G3BP2: variants seen among roughly 807,000 people sequenced by gnomAD.
The protein encoded by G3BP2 is G3BP stress granule assembly factor 2.
In G3BP2, 11 loss-of-function variants were observed where a neutral mutation model predicts 56.7. The ratio of observed to expected loss-of-function variants is 0.19; its 90% CI spans 0.12 to 0.32. G3BP2 has a LOEUF of 0.32. Ranked by LOEUF, G3BP2 falls within the 10% of genes least tolerant of loss-of-function variation. G3BP2 has a pLI of 1.00. For missense variants in G3BP2, 340 were observed against 610.9 expected (o/e 0.56, Z 4.67); for synonymous variants, 165 against 191.6 (o/e 0.86, Z 1.15).
chr4:75,701,379 G>A (rs762817270), intron 3 of G3BP2, among the ~76,000 whole-genome samples: 3 of 152,024 alleles, frequency 2.0e-5, no homozygotes, highest in African/African-American at 4.8e-5. Flanking sequence ...TGCAACCTCC[G>A]CCTCCTGAGT....
At chr4:75,676,359 T>TG (rs1397579607), upstream of G3BP2, among the ~76,000 whole-genome samples, 2 of 148,522 alleles carry the variant, frequency 1.3e-5, no homozygotes, top group African/African-American at 5.0e-5. Flanking sequence ...TTTTTTTTTT[T>TG]TGAGATGGAG....
rs200605136 is a variant in G3BP2 at position 75,706,003 on chromosome 4, TTA to T, written c.-25+14872_-25+14873del. On this transcript the variant is annotated intron_variant, in intron 3 of 3. Coordinates refer to the G3BP2 transcript ENST00000499709. ...TATATATGTATACACACACATAACA[TTA>T]TATATGTCTCCACTCATTTAATCCT... Among the ~76,000 whole-genome samples the T allele has an allele frequency of 3.8e-4, 58 of 152,216 alleles. No homozygotes were observed. The East Asian group carries it at 7.0e-3, about 18-fold the overall frequency.
chr4:75,693,786 T>TA (rs59421805), intron 3 of G3BP2, among the ~76,000 whole-genome samples: 33,280 of 141,260 alleles, frequency 0.24, 4,054 homozygotes, highest in Middle Eastern at 0.35. Context: ...AGACTCCGTC[T>TA]AAAAAAAAAA....
At chr4:75,694,253 A>AC (rs1240866830) in intron 3 of G3BP2, among the ~76,000 whole-genome samples, 2 of 152,216 alleles carry the variant, frequency 1.3e-5, no homozygotes, top group African/African-American at 4.8e-5. Flanking sequence ...GGCCTGAAGT[A>AC]CAAGGTACCT....
At chr4:75,691,411 G>A (rs979349119) in intron 3 of G3BP2, among the ~76,000 whole-genome samples, 31 of 152,058 alleles carry the variant, frequency 2.0e-4, no homozygotes, top group Admixed American at 7.9e-4. Flanking sequence ...GTCTCACTAT[G>A]CTGGCCAGAC....
At chr4:75,663,426 A>C (rs1560622096) in intron 1 of G3BP2, among the ~76,000 whole-genome samples, 1 of 152,086 alleles carries the variant, frequency 6.6e-6, no homozygotes, top group African/African-American at 2.4e-5. Flanking sequence ...CACCTGGCTA[A>C]TTTTTTTAAA....
chr4:75,671,378 G>A (rs1733476289), intron 1 of G3BP2, among the ~76,000 whole-genome samples: 1 of 152,192 alleles, frequency 6.6e-6, no homozygotes, highest in African/African-American at 2.4e-5. Context: ...AGGATAAGGA[G>A]GGAAGTTTTC....
chr4:75,714,613 A>G (rs1243352111), intron 3 of G3BP2, among the ~76,000 whole-genome samples: 1 of 152,158 alleles, frequency 6.6e-6, no homozygotes, highest in Non-Finnish European at 1.5e-5. Context: ...GGGCAACAAA[A>G]GTGAAACTCC....
intron 3 of G3BP2, among the ~76,000 whole-genome samples, chr4:75,679,671 T>G (rs1734000621): frequency 6.6e-6 from 1 of 152,182 alleles, no homozygotes; most frequent in African/African-American, 2.4e-5. Flanking sequence ...AGGTTGCAAG[T>G]TCTAAGAAAG....
intron 1 of G3BP2, among the ~76,000 whole-genome samples, chr4:75,663,021 T>C (rs1732690350): frequency 6.6e-6 from 1 of 152,234 alleles, no homozygotes; most frequent in African/African-American, 2.4e-5. Context: ...ATTTTTTACC[T>C]TTGATATTAT....
intron 3 of G3BP2, among the ~76,000 whole-genome samples, chr4:75,658,282 T>C (rs1053150206): frequency 2.6e-5 from 4 of 152,162 alleles, no homozygotes; most frequent in Non-Finnish European, 5.9e-5. Context: ...TTTGTAGCCA[T>C]CGTAATATAA....
rs191190161 is a variant in G3BP2 at position 75,645,192 on chromosome 4, T to C, written c.*238A>G. The C allele has an allele frequency of 3.0e-4, 164 of 544,244 alleles. No homozygotes were observed. The highest frequency in any genetic ancestry group is 2.8e-3 in the African/African-American group (147 of 52,192). 33.7% of individuals were successfully genotyped at this position (544,244 alleles called of 1,614,324 possible). On this transcript the variant is annotated 3_prime_UTR_variant, in exon 12 of 12. Transcript: ENST00000359707. ...ACTTTGTCGTAGATAGTTTAAGATA[T>C]GGTCATTTCTCAGTCCTTAATTCTC...
intron 1 of G3BP2, among the ~76,000 whole-genome samples, chr4:75,671,872 G>A (rs1733512986): frequency 6.6e-6 from 1 of 152,104 alleles, no homozygotes; most frequent in Non-Finnish European, 1.5e-5. Flanking sequence ...ATGCTAACAG[G>A]GCCAAAAGTT....
chr4:75,661,103 A>G (rs558654261), intron 2 of G3BP2, among the ~76,000 whole-genome samples: 2 of 152,306 alleles, frequency 1.3e-5, no homozygotes, highest in South Asian at 4.1e-4. Context: ...TTCAAATTGC[A>G]TATTGGAACC....
chr4:75,713,560 T>C (rs1482963987), intron 3 of G3BP2, among the ~76,000 whole-genome samples: 1 of 152,106 alleles, frequency 6.6e-6, no homozygotes, highest in African/African-American at 2.4e-5. Context: ...AGGTGGAGGA[T>C]TGCTTTAGGC....
intron 3 of G3BP2, among the ~76,000 whole-genome samples, chr4:75,681,085 A>T (rs1734053527): frequency 6.6e-6 from 1 of 151,324 alleles, no homozygotes; most frequent in Non-Finnish European, 1.5e-5. Flanking sequence ...GCACTTTGGG[A>T]GGCCAAGGTG....
intron 3 of G3BP2, among the ~76,000 whole-genome samples, chr4:75,681,239 G>A (rs1040306350): frequency 3.3e-5 from 5 of 151,492 alleles, no homozygotes; most frequent in Non-Finnish European, 7.4e-5. Flanking sequence ...CAGGAGAATC[G>A]CTTGAACCCG....
intron 3 of G3BP2, among the ~76,000 whole-genome samples, chr4:75,717,547 G>A (rs1469784809): frequency 7.2e-5 from 11 of 152,172 alleles, no homozygotes; most frequent in Admixed American, 2.6e-4. Flanking sequence ...ACAGAGATCA[G>A]CTGCCAACTA....
At chr4:75,649,799 C>T (rs1414365291) in intron 8 of G3BP2, among the ~76,000 whole-genome samples, 2 of 152,154 alleles carry the variant, frequency 1.3e-5, no homozygotes, top group African/African-American at 4.8e-5. Context: ...CACCTGAGGT[C>T]AGGAGTTTGA....
Sources: gnomAD v4.1 joint callset for allele counts (sites outside exome capture counted in the v4.1 genomes callset) on GRCh38, gnomAD v4.1.1 for gene constraint, MANE v1.5 for transcripts, NCBI Gene and HGNC (gene_info 2026-07-23, HGNC 2026-07-21) for gene names.